The following DSG3 variants were observed in gnomAD, a reference collection of about 807,000 sequenced individuals.
DSG3 encodes the protein desmoglein-3.
Under a neutral mutation model 85.9 loss-of-function variants are expected in DSG3, and 63 were observed. That is an observed-to-expected ratio of 0.73 (90% confidence interval 0.60 to 0.90). The LOEUF (loss-of-function observed/expected upper bound fraction) is 0.90, where lower values mean the gene tolerates loss of function less well. DSG3 is among the 40% of genes least tolerant of loss of function. The pLI, the probability that DSG3 is intolerant of heterozygous loss-of-function variation, is 0.00. For synonymous variants in DSG3, 447 were observed against 441.9 expected (o/e 1.01, Z -0.14); for missense variants, 1,220 against 1,219.9 (o/e 1.00, Z 0.00).
chr18:31,460,811 T>C, intron 6 of DSG3, 22 bp from the exon 7 acceptor site: 1 of 1,557,184 alleles, frequency 6.4e-7, no homozygotes. Flanking sequence ...ATTATTTTTC[T>C]TTATTTTTTA....
In DSG3 at chr18:31,459,873, A is replaced by C. The variant is rs748294569; in HGVS notation, c.546A>C (p.Thr182=). The change falls in exon 6 of 16, where the codon ACA becomes ACC. Residue 182 remains threonine (T), a synonymous_variant. Transcript: ENST00000257189. ...SNSLVMILNA[T]DADEPNHLNS... ...CACTGGTGATGATACTAAATGCCAC[A>C]GATGCAGATGAACCAAACCACTTGA... 2 of 1,614,064 alleles carry C rather than the reference A, an allele frequency of 1.2e-6. No homozygotes were observed. Among genetic ancestry groups the C allele is most frequent in the South Asian group, 1.1e-5 (1 of 91,060 alleles).
rs761633252 is a variant in DSG3, at chr18:31,475,763, A to G, written c.2503A>G (p.Ser835Gly). 7 of 1,614,150 alleles carry G rather than the reference A, an allele frequency of 4.3e-6. No individual in the cohort carries two copies. In the Admixed American group the frequency reaches 1.0e-4, roughly 23 times the overall value. The change falls in exon 16 of 16, where the codon AGT (serine) becomes GGT (glycine). Residue 835 changes from serine to glycine, a missense_variant. Physicochemically the swap from Ser to Gly is moderately conservative, Grantham distance 56. Transcript: ENST00000257189. ...GSPVGSVGCCSFIADDLDDSF... is the reference protein window; with the variant it reads ...GSPVGSVGCCGFIADDLDDSF... ...TCCTGTGGGCTCCGTGGGTTGTTGC[A>G]GTTTTATTGCTGATGACCTGGATGA...
At chr18:31,451,434 T>A (rs763796969) in intron 1 of DSG3, among the ~76,000 whole-genome samples, 4 of 152,240 alleles carry the variant, frequency 2.6e-5, no homozygotes, top group African/African-American at 4.8e-5. Flanking sequence ...AGAAGCAGTT[T>A]AAATACCAAG....
At chr18:31,458,984 A>G (rs1401322271) in intron 4 of DSG3, 49 bp from the exon 5 acceptor site, 11 of 1,597,610 alleles carry the variant, frequency 6.9e-6, no homozygotes, top group Middle Eastern at 1.7e-4. Context: ...TTTTAATAGT[A>G]TGAAAACTGA....
intron 9 of DSG3, 57 bp downstream of exon 9, chr18:31,464,439 T>C (rs2072804723): frequency 6.6e-7 from 1 of 1,515,776 alleles, no homozygotes; most frequent in Non-Finnish European, 8.9e-7. Flanking sequence ...CTATAAGCTA[T>C]CACAACATAA....
At chr18:31,460,107 G>T (rs1646935674) in intron 6 of DSG3, 96 bp downstream of exon 6, 1 of 1,336,516 alleles carries the variant, frequency 7.5e-7, no homozygotes, top group Admixed American at 2.6e-5. Context: ...AATTAAAAAA[G>T]AAAAGAGGTT....
At position 31,457,000 on chromosome 18, in the gene DSG3, G is replaced by T; in HGVS notation, c.92G>T (p.Gly31Val). 1.2e-6 allele frequency: 2 copies of T among 1,607,358 alleles called. No homozygotes were observed. The highest frequency in any genetic ancestry group is 1.1e-5 in the South Asian group (1 of 89,222). Reference sequence around the variant, plus strand: ...AATCCCTTTTTACATAAGACTAAAGGTCAATATGATGAAGAAGAGATGACT... The same window carrying T: ...AATCCCTTTTTACATAAGACTAAAGTTCAATATGATGAAGAAGAGATGACT... ...VHGELRIETK[G>V]QYDEEEMTMQ... Residue 31 changes from glycine to valine, a missense_variant, in exon 3 of 16, where the codon GGT (glycine) becomes GTT (valine). Transcript: ENST00000257189.
At chr18:31,456,272 C>T (rs2072741305) in intron 1 of DSG3, among the ~76,000 whole-genome samples, 168 bp from the exon 2 acceptor site, 1 of 152,182 alleles carries the variant, frequency 6.6e-6, no homozygotes, top group Admixed American at 6.5e-5. Context: ...TATTCCTTTT[C>T]CTGGTAGGAA....
rs1255601457 is a variant in DSG3 at position 31,474,034 on chromosome 18, A to C, written c.2102-87A>C. 9.2e-6 allele frequency: 12 copies of C among 1,301,224 alleles called. No individual in the cohort carries two copies. In the African/African-American group the frequency reaches 1.6e-4, roughly 18 times the overall value. The allele number at this position is 1,301,224 out of a possible 1,614,324, so 80.6% of individuals were successfully genotyped here. The stretch of plus-strand genomic sequence containing the variant: ...CTCCCACTTACTTGTTTGCATGGTG[A>C]CTGCTTATAGACACCCAAGACCCAT... On this transcript the variant is annotated intron_variant, in intron 14 of 15. Transcript: ENST00000257189.
chr18:31,447,883 G>T lies in DSG3; in HGVS notation c.6G>T (p.Met2Ile). M[M>I]GLFPRTTGAL... ...CACCAGGGAAATCAGAGACAATGAT[G>T]GGGCTCTTCCCCAGAACTACAGGGG... is the stretch of plus-strand genomic sequence containing the variant. The change falls in exon 1 of 16, where the codon ATG (methionine) becomes ATT (isoleucine). Residue 2 changes from methionine to isoleucine, a missense_variant. Physicochemically the swap from Met to Ile is conservative, Grantham distance 10. Transcript: ENST00000257189. 6.3e-7 allele frequency: 1 copy of T among 1,590,816 alleles called. No individual in the cohort carries two copies.
At chr18:31,459,231 T>C (rs1433270274) in intron 5 of DSG3, 54 bp downstream of exon 5, 4 of 1,495,960 alleles carry the variant, frequency 2.7e-6, no homozygotes, top group Admixed American at 4.0e-5. Context: ...CAAATATGAG[T>C]CCCACTACAA....
intron 5 of DSG3, 31 bp downstream of exon 5, chr18:31,459,208 G>T (rs1340708241): frequency 6.3e-7 from 1 of 1,581,708 alleles, no homozygotes; most frequent in Admixed American, 1.9e-5. Context: ...ACCACTTTCA[G>T]TTTATCTACT....
intron 1 of DSG3, among the ~76,000 whole-genome samples, chr18:31,453,396 C>G (rs1345218075): frequency 6.7e-6 from 1 of 148,438 alleles, no homozygotes; most frequent in Non-Finnish European, 1.5e-5. Context: ...TGAGGTAACC[C>G]CAAACAAGAT....
At chr18:31,459,821 A>G (rs751099886) in intron 5 of DSG3, 24 bp from the exon 6 acceptor site, 10 of 1,583,404 alleles carry the variant, frequency 6.3e-6, no homozygotes, top group Non-Finnish European at 7.7e-6. Context: ...ATATTCTTTA[A>G]TAAACGTTTT....
At chr18:31,462,874 C>G (rs2072794721) in intron 8 of DSG3, among the ~76,000 whole-genome samples, 2 of 152,026 alleles carry the variant, frequency 1.3e-5, no homozygotes, top group African/African-American at 4.8e-5. Context: ...CCTTACTCTT[C>G]TCTTTAAAAC....
At chr18:31,465,212 AC>A in intron 9 of DSG3, 105 bp from the exon 10 acceptor site, 2 of 718,368 alleles carry the variant, frequency 2.8e-6, no homozygotes, top group Non-Finnish European at 4.0e-6. Flanking sequence ...TTCAATGTGA[AC>A]ATATATTAAA....
At chr18:31,458,407 G>A in intron 3 of DSG3, 38 bp from the exon 4 acceptor site, 1 of 1,601,116 alleles carries the variant, frequency 6.2e-7, no homozygotes, top group East Asian at 2.2e-5. Flanking sequence ...AGGCTTGAGT[G>A]ATGGTCACCT....
At position 31,478,457 on chromosome 18, in the gene DSG3, A is replaced by G. The variant is rs1337632311; in HGVS notation, c.*2197A>G. The G allele has an allele frequency of 6.6e-6, 1 of 152,234 alleles. No individual in the cohort carries two copies. The highest frequency in any genetic ancestry group is 2.4e-5 in the African/African-American group (1 of 41,454). The allele number at this position is 152,234 out of a possible 1,614,324, so 9.4% of individuals were successfully genotyped here. On this transcript the variant is annotated 3_prime_UTR_variant, in exon 16 of 16. Coordinates refer to ENST00000257189, the MANE Select transcript of DSG3 (RefSeq NM_001944.3). ...ACCATGCTATAGTAATAAAGGTTAT[A>G]TAAGAGAGAAATTGAAATTAAATGT...
chr18:31,475,595 C>A, intron 15 of DSG3, 51 bp from the exon 16 acceptor site: 1 of 1,578,276 alleles, frequency 6.3e-7, no homozygotes, highest in South Asian at 1.2e-5. Context: ...TTATATTGTT[C>A]AACTGACTCT....
Sources: gnomAD v4.1 joint callset for allele counts (sites outside exome capture counted in the v4.1 genomes callset) on GRCh38, gnomAD v4.1.1 for gene constraint, MANE v1.5 for transcripts, NCBI Gene and HGNC (gene_info 2026-07-23, HGNC 2026-07-21) for gene names.